The following AOPEP variants were observed in gnomAD, a reference collection of about 807,000 sequenced individuals.
AOPEP encodes the protein aminopeptidase O (putative), also known as aminopeptidase O.
A neutral mutation model predicts 98.1 loss-of-function variants in AOPEP; 77 were observed. The ratio of observed to expected loss-of-function variants is 0.78; its 90% CI spans 0.65 to 0.95. AOPEP has a LOEUF of 0.95. Among genes scored for constraint, AOPEP ranks in the 40% least tolerant of loss-of-function variants. The probability of loss-of-function intolerance (pLI) is 0.00; values close to 1 mark genes in which losing one functional copy is unlikely to be tolerated. For missense variants in AOPEP, 1,024 were observed against 1,024.7 expected, an observed-to-expected ratio of 1.00 and a Z score of 0.01; for synonymous variants, 346 against 365.3, an observed-to-expected ratio of 0.95 and a Z score of 0.60.
At chr9:94,866,739 A>G (rs1331715253) in intron 5 of AOPEP, among the ~76,000 whole-genome samples, 1 of 152,144 alleles carries the variant, frequency 6.6e-6, no homozygotes. Flanking sequence ...TTTCAAACCA[A>G]ATCTTTGGTT....
chr9:94,795,065 G>C (rs1254592990), intron 4 of AOPEP, among the ~76,000 whole-genome samples: 1 of 152,156 alleles, frequency 6.6e-6, no homozygotes, highest in African/African-American at 2.4e-5. Flanking sequence ...TTAGTCCTAA[G>C]GATAAGCCTG....
chr9:94,925,054 C>T (rs1259084313), intron 6 of AOPEP, among the ~76,000 whole-genome samples: 1 of 152,170 alleles, frequency 6.6e-6, no homozygotes, highest in African/African-American at 2.4e-5. Flanking sequence ...TGCAGTGGCA[C>T]GATCTTGGCT....
intron 5 of AOPEP, among the ~76,000 whole-genome samples, chr9:94,833,229 C>T (rs2041119510): frequency 7.5e-6 from 1 of 132,654 alleles, no homozygotes; most frequent in Non-Finnish European, 1.6e-5. Flanking sequence ...AGCCACCACA[C>T]CCGTCCTTTT....
the AOPEP span, among the ~76,000 whole-genome samples, chr9:95,108,504 C>T: frequency 6.6e-6 from 1 of 152,226 alleles, no homozygotes; most frequent in South Asian, 2.1e-4. Flanking sequence ...GGTCTATCTT[C>T]CTTTATGTCT....
Position 95,018,073 on chromosome 9 carries a change from T to C in AOPEP, c.2115+12457T>C, listed in dbSNP as rs151167661. On this transcript the variant is annotated intron_variant, in intron 13 of 16. Transcript: ENST00000375315. Reference sequence around the variant, plus strand: ...TGTTTTTTGCAGTTTTTGGCTATTATGAATAACCCATCTGTGGACACTGGT... The same window carrying C: ...TGTTTTTTGCAGTTTTTGGCTATTACGAATAACCCATCTGTGGACACTGGT... Among the ~76,000 whole-genome samples, 51 of 152,242 alleles carry C rather than the reference T, an allele frequency of 3.3e-4. 1 individual carries two copies. The highest frequency in any genetic ancestry group is 1.2e-3 in the African/African-American group (49 of 41,460).
At chr9:95,036,613 GTTGGGTTTT>G (rs1587721137) in intron 13 of AOPEP, among the ~76,000 whole-genome samples, 1 of 151,660 alleles carries the variant, frequency 6.6e-6, no homozygotes, top group East Asian at 1.9e-4. Flanking sequence ...ATGTCAGAAT[GTTGGGTTTT>G]GTTTTATTTC....
chr9:94,907,026 T>A (rs1308173222), intron 5 of AOPEP, among the ~76,000 whole-genome samples: 1 of 152,124 alleles, frequency 6.6e-6, no homozygotes, highest in African/African-American at 2.4e-5. Context: ...GGCTTGCTGT[T>A]CCAGGTCGGA....
the AOPEP span, among the ~76,000 whole-genome samples, chr9:95,102,193 G>A: frequency 6.6e-6 from 1 of 152,354 alleles, no homozygotes; most frequent in East Asian, 1.9e-4. Context: ...ATGATCCACT[G>A]TGGGGAACAA....
intron 13 of AOPEP, among the ~76,000 whole-genome samples, chr9:95,023,220 G>T (rs2063594861): frequency 6.6e-6 from 1 of 152,224 alleles, no homozygotes. Context: ...TTTGTTATCT[G>T]TGGTGTGTTA....
At chr9:94,932,922 A>AT in intron 7 of AOPEP, 1 of 985,380 alleles carries the variant, frequency 1.0e-6, no homozygotes, top group Non-Finnish European at 1.2e-6. Flanking sequence ...AGAGCCTGTA[A>AT]TGTGGCTACA....
chr9:94,932,116 G>A (rs897924141), intron 7 of AOPEP: 7 of 1,036,668 alleles, frequency 6.8e-6, no homozygotes, highest in Non-Finnish European at 8.1e-6. Context: ...AGGGAACTGA[G>A]AGCATTTAGT....
intron 5 of AOPEP, 147 bp from the exon 6 acceptor site, chr9:94,923,837 GAA>G (rs773968985): frequency 4.4e-6 from 2 of 459,498 alleles, no homozygotes; most frequent in Non-Finnish European, 7.2e-6. Context: ...ATTTATGTCT[GAA>G]AGCATCTAAG....
At chr9:94,971,716 T>C (rs934335397) in intron 10 of AOPEP, among the ~76,000 whole-genome samples, 1 of 152,204 alleles carries the variant, frequency 6.6e-6, no homozygotes, top group Non-Finnish European at 1.5e-5. Flanking sequence ...ACATTCTCTA[T>C]TGAGCATCTC....
chr9:94,753,157 A>C (rs1836216642), intron 1 of AOPEP, among the ~76,000 whole-genome samples: 1 of 152,200 alleles, frequency 6.6e-6, no homozygotes, highest in East Asian at 1.9e-4. Context: ...TATAGAATAT[A>C]ATAAAATGGT....
the AOPEP span, among the ~76,000 whole-genome samples, chr9:95,128,117 G>C: frequency 6.6e-6 from 1 of 152,202 alleles, no homozygotes; most frequent in East Asian, 1.9e-4. Flanking sequence ...ACTTAGGCAT[G>C]TCAGTTAATC....
chr9:94,751,195 G>A (rs1295424065), intron 1 of AOPEP, among the ~76,000 whole-genome samples: 2 of 152,160 alleles, frequency 1.3e-5, no homozygotes, highest in East Asian at 1.9e-4. Context: ...ACGTGTTGGC[G>A]CCTTACAGTT....
At chr9:95,041,446 G>GGTGTGTGTGT (rs57837059) in intron 13 of AOPEP, among the ~76,000 whole-genome samples, 126 of 142,106 alleles carry the variant, frequency 8.9e-4, no homozygotes, top group Middle Eastern at 3.4e-3. Context: ...AGTCCTTGGG[G>GGTGTGTGTGT]GTGTGTGTGT....
chr9:95,110,975 A>AGAT, the AOPEP span: 1 of 1,412,070 alleles, frequency 7.1e-7, no homozygotes, highest in African/African-American at 1.4e-5. Context: ...CTTTAGTAAG[A>AGAT]GATGTAAATA....
the AOPEP span, among the ~76,000 whole-genome samples, chr9:95,096,504 G>A: frequency 6.6e-6 from 1 of 152,216 alleles, no homozygotes; most frequent in Admixed American, 6.5e-5. Context: ...CACACCGCCA[G>A]TGGTGATGCC....
Sources: allele counts gnomAD v4.1 joint callset (sites outside exome capture counted in the v4.1 genomes callset), GRCh38; gene constraint gnomAD v4.1.1; transcripts MANE v1.5; gene names NCBI Gene and HGNC (gene_info 2026-07-23, HGNC 2026-07-21).